SLC9A9: variants seen among roughly 807,000 people sequenced by gnomAD.
SLC9A9 encodes sodium/hydrogen exchanger 9.
Under a neutral mutation model 77.8 loss-of-function variants are expected in SLC9A9, and 62 were observed. That is an observed-to-expected ratio of 0.80 (90% CI 0.65 to 0.98). The LOEUF (loss-of-function observed/expected upper bound fraction) is 0.98, where lower values mean the gene tolerates loss of function less well. Among genes scored for constraint, SLC9A9 ranks in the 50% least tolerant of loss-of-function variants. The pLI is 0.00. For missense variants in SLC9A9, 775 were observed against 774.9 expected (o/e 1.00, Z 0.00); for synonymous variants, 320 against 283.5 (o/e 1.13, Z -1.29).
rs536687757 is a variant in SLC9A9 at position 143,649,867 on chromosome 3, G to A, written c.755+2388C>T. Among the ~76,000 whole-genome samples, 183 of 152,112 alleles carry A rather than the reference G, an allele frequency of 1.2e-3. 2 individuals carry two copies. The highest frequency in any genetic ancestry group is 4.1e-3 in the African/African-American group (171 of 41,524). On this transcript the variant is annotated intron_variant, in intron 6 of 15. Transcript: ENST00000316549. ...CACTGTTCTTAAACTTCAAAACCAC[G>A]CAAAGATGGAACTAAGAGAGGGACA... is the stretch of plus-strand genomic sequence containing the variant.
At chr3:143,617,407 A>G (rs1327543028) in intron 6 of SLC9A9, among the ~76,000 whole-genome samples, 1 of 152,236 alleles carries the variant, frequency 6.6e-6, no homozygotes, top group Non-Finnish European at 1.5e-5. Flanking sequence ...ATTTACACGA[A>G]AACATTGACT....
At chr3:143,324,423 A>G (rs1230502675) in intron 14 of SLC9A9, among the ~76,000 whole-genome samples, 1 of 152,192 alleles carries the variant, frequency 6.6e-6, no homozygotes, top group African/African-American at 2.4e-5. Flanking sequence ...GACCTAGGAC[A>G]AGTTCCTTAA....
intron 14 of SLC9A9, chr3:143,313,433 G>A (rs2031091890): frequency 6.6e-6 from 1 of 152,116 alleles, no homozygotes; most frequent in Non-Finnish European, 1.5e-5. Context: ...GCCAGTTTTG[G>A]GACTGGCAGA....
intron 4 of SLC9A9, among the ~76,000 whole-genome samples, chr3:143,779,798 T>A (rs567096397): frequency 2.6e-5 from 4 of 152,222 alleles, no homozygotes; most frequent in Non-Finnish European, 5.9e-5. Context: ...ACTATGAAAC[T>A]ATTATATTTT....
intron 15 of SLC9A9, among the ~76,000 whole-genome samples, chr3:143,267,350 T>TTTG (rs1465340609): frequency 4.1e-5 from 6 of 146,500 alleles, no homozygotes; most frequent in African/African-American, 1.3e-4. Flanking sequence ...TGCTACTTTT[T>TTTG]TTTTTTTTTT....
intron 6 of SLC9A9, among the ~76,000 whole-genome samples, chr3:143,593,650 A>C (rs2037698709): frequency 6.6e-6 from 1 of 152,196 alleles, no homozygotes; most frequent in Admixed American, 6.5e-5. Context: ...TCTACTGTGC[A>C]TGTGTGAAAG....
intron 11 of SLC9A9, among the ~76,000 whole-genome samples, chr3:143,468,303 C>G (rs1393233504): frequency 6.6e-6 from 1 of 152,184 alleles, no homozygotes; most frequent in Non-Finnish European, 1.5e-5. Context: ...TATAAGTCAT[C>G]CAATTTCTCT....
chr3:143,689,399 A>G lies in SLC9A9; in HGVS notation c.649+3793T>C, dbSNP rs149358732. On this transcript the variant is annotated intron_variant, in intron 5 of 15. Transcript: ENST00000316549. The stretch of plus-strand genomic sequence containing the variant: ...ACTACTAAAGATAATTAGAAAGATG[A>G]TTATTATTATTTATTTTGAGACAGG... Among the ~76,000 whole-genome samples the G allele has an allele frequency of 2.9e-4, 44 of 152,232 alleles. 2 individuals carry two copies. In the East Asian group the frequency reaches 8.5e-3, roughly 29 times the overall value.
intron 6 of SLC9A9, among the ~76,000 whole-genome samples, chr3:143,620,016 A>G (rs2038174536): frequency 6.6e-6 from 1 of 152,146 alleles, no homozygotes; most frequent in African/African-American, 2.4e-5. Flanking sequence ...TAAACCCCTT[A>G]ACACAGCTGT....
At chr3:143,560,232 A>G (rs991222275) in intron 8 of SLC9A9, among the ~76,000 whole-genome samples, 2 of 152,196 alleles carry the variant, frequency 1.3e-5, no homozygotes, top group African/African-American at 4.8e-5. Context: ...GGGGATGTCC[A>G]TGATGCCGGC....
At chr3:143,439,213 C>A (rs2034680124) in intron 12 of SLC9A9, among the ~76,000 whole-genome samples, 1 of 152,170 alleles carries the variant, frequency 6.6e-6, no homozygotes, top group Admixed American at 6.5e-5. Context: ...TGACCATGTG[C>A]AGTAGGTGCT....
At chr3:143,683,177 T>C (rs1262892210) in intron 5 of SLC9A9, among the ~76,000 whole-genome samples, 1 of 152,140 alleles carries the variant, frequency 6.6e-6, no homozygotes. Context: ...TCCATTTAGA[T>C]GAAATAAGTA....
At chr3:143,317,960 C>T (rs2031281039) in intron 14 of SLC9A9, among the ~76,000 whole-genome samples, 1 of 152,158 alleles carries the variant, frequency 6.6e-6, no homozygotes, top group Non-Finnish European at 1.5e-5. Flanking sequence ...ATCTCCTGAC[C>T]TCATGATCTG....
chr3:143,548,425 C>T (rs1375923345), intron 9 of SLC9A9, among the ~76,000 whole-genome samples: 2 of 152,084 alleles, frequency 1.3e-5, no homozygotes, highest in Non-Finnish European at 2.9e-5. Flanking sequence ...GGCTACACTG[C>T]TGTGTGCTGA....
intron 11 of SLC9A9, among the ~76,000 whole-genome samples, chr3:143,488,057 T>A (rs972877159): frequency 7.2e-5 from 11 of 151,786 alleles, no homozygotes; most frequent in African/African-American, 2.7e-4. Flanking sequence ...AGTGGTGACT[T>A]TACTACCAAT....
At chr3:143,460,835 A>G (rs145714931) in intron 12 of SLC9A9, among the ~76,000 whole-genome samples, 2 of 152,364 alleles carry the variant, frequency 1.3e-5, no homozygotes, top group East Asian at 1.9e-4. Flanking sequence ...TAGTTATCCA[A>G]TATCTCTAAT....
intron 9 of SLC9A9, among the ~76,000 whole-genome samples, chr3:143,525,054 A>G (rs961713544): frequency 1.3e-5 from 2 of 152,188 alleles, no homozygotes; most frequent in Non-Finnish European, 2.9e-5. Flanking sequence ...TGCAATGAAA[A>G]ATAGACTAAG....
At chr3:143,487,157 G>A (rs2035665758) in intron 11 of SLC9A9, among the ~76,000 whole-genome samples, 1 of 151,800 alleles carries the variant, frequency 6.6e-6, no homozygotes, top group Admixed American at 6.6e-5. Context: ...TAGATTTTAA[G>A]TTAAAAACAT....
intron 4 of SLC9A9, among the ~76,000 whole-genome samples, chr3:143,698,684 A>ATCC (rs1029193069): frequency 1.3e-5 from 2 of 151,922 alleles, no homozygotes; most frequent in African/African-American, 2.4e-5. Context: ...TTAAAAAGGA[A>ATCC]TCCTCCTCCT....
Sources: gnomAD v4.1 joint callset for allele counts (sites outside exome capture counted in the v4.1 genomes callset) on GRCh38, gnomAD v4.1.1 for gene constraint, MANE v1.5 for transcripts, NCBI Gene and HGNC (gene_info 2026-07-23, HGNC 2026-07-21) for gene names.